The following LRRTM4 variants were observed in gnomAD, a reference collection of about 807,000 sequenced individuals.
LRRTM4 encodes leucine-rich repeat transmembrane neuronal protein 4.
In LRRTM4, 25 loss-of-function variants were observed where a neutral mutation model predicts 47.6. The ratio of observed to expected loss-of-function variants is 0.53; its 90% CI spans 0.38 to 0.73. The LOEUF is 0.73. Ranked by LOEUF, LRRTM4 falls within the 30% of genes least tolerant of loss-of-function variation. The pLI is 0.00. For missense variants in LRRTM4, 638 were observed against 713.4 expected (o/e 0.89, Z 1.20); for synonymous variants, 311 against 269.5 (o/e 1.15, Z -1.51).
At chr2:77,164,087 T>C (rs2103816194) in intron 3 of LRRTM4, among the ~76,000 whole-genome samples, 1 of 152,190 alleles carries the variant, frequency 6.6e-6, no homozygotes, top group Admixed American at 6.5e-5. Flanking sequence ...GAGACACACA[T>C]AGGCTCAAAA....
At chr2:76,915,722 A>G (rs1674219754) in intron 3 of LRRTM4, among the ~76,000 whole-genome samples, 1 of 152,196 alleles carries the variant, frequency 6.6e-6, no homozygotes, top group African/African-American at 2.4e-5. Flanking sequence ...CTTTGAGCAA[A>G]TAAGTAAAAA....
At chr2:77,078,398 A>G (rs1325568451) in intron 3 of LRRTM4, among the ~76,000 whole-genome samples, 1 of 151,288 alleles carries the variant, frequency 6.6e-6, no homozygotes, top group African/African-American at 2.4e-5. Context: ...ACACACACAC[A>G]CACACACACA....
At chr2:76,960,940 G>A (rs990167214) in intron 3 of LRRTM4, among the ~76,000 whole-genome samples, 1 of 151,414 alleles carries the variant, frequency 6.6e-6, no homozygotes, top group Admixed American at 6.6e-5. Context: ...TGCTACCAAT[G>A]TGTGGATATT....
chr2:76,819,640 T>G (rs1214362801), intron 3 of LRRTM4, among the ~76,000 whole-genome samples: 1 of 151,924 alleles, frequency 6.6e-6, no homozygotes, highest in Admixed American at 6.6e-5. Flanking sequence ...CACACAACAG[T>G]AATACTTGCT....
At position 77,130,878 on chromosome 2, in the gene LRRTM4, A is replaced by G. The variant is rs6754735; in HGVS notation, c.1552-381962T>C. Among the ~76,000 whole-genome samples the G allele has an allele frequency of 5.7e-3, 555 of 98,126 alleles. 5 individuals are homozygous for G. Among genetic ancestry groups the G allele is most frequent in the African/African-American group, 0.022 (533 of 24,156 alleles). 64.4% of individuals were successfully genotyped at this position (98,126 alleles called of 152,430 possible). On this transcript the variant is annotated intron_variant, in intron 3 of 3. Coordinates refer to ENST00000409884, the MANE Select transcript of LRRTM4 (RefSeq NM_001134745.3). ...GAGACGGAGTCTCGCTCTGTCGCCC[A>G]GGCTGGAGTGCAGTGGCGGGATCTT...
At chr2:77,101,390 C>G (rs1670949006) in intron 3 of LRRTM4, among the ~76,000 whole-genome samples, 1 of 152,024 alleles carries the variant, frequency 6.6e-6, no homozygotes, top group Non-Finnish European at 1.5e-5. Context: ...TGCGTACATA[C>G]AAAATGAGGG....
intron 3 of LRRTM4, among the ~76,000 whole-genome samples, chr2:77,393,052 C>T (rs1673564449): frequency 6.6e-6 from 1 of 151,810 alleles, no homozygotes; most frequent in Non-Finnish European, 1.5e-5. Flanking sequence ...GTAGACAAAA[C>T]ATTAGAGCAC....
chr2:76,801,022 G>A (rs1675645501), intron 3 of LRRTM4, among the ~76,000 whole-genome samples: 2 of 146,882 alleles, frequency 1.4e-5, no homozygotes, highest in South Asian at 4.5e-4. Context: ...AACAGGTGCT[G>A]GAGCGGATGT....
At chr2:77,049,569 C>T (rs183710854) in intron 3 of LRRTM4, among the ~76,000 whole-genome samples, 3 of 151,818 alleles carry the variant, frequency 2.0e-5, no homozygotes, top group African/African-American at 7.3e-5. Flanking sequence ...TTTGAGATAC[C>T]TGTTGACCGT....
At chr2:76,802,126 A>G (rs960628487) in intron 3 of LRRTM4, among the ~76,000 whole-genome samples, 1 of 152,016 alleles carries the variant, frequency 6.6e-6, no homozygotes. Context: ...AGCCCGAGCA[A>G]TTAGGCAAGG....
intron 3 of LRRTM4, among the ~76,000 whole-genome samples, chr2:76,797,855 A>T (rs372632439): frequency 6.6e-6 from 1 of 151,782 alleles, no homozygotes; most frequent in Non-Finnish European, 1.5e-5. Flanking sequence ...AACAAAGATC[A>T]AAAGAGACAG....
At chr2:77,474,735 T>A (rs1241257112) in intron 3 of LRRTM4, among the ~76,000 whole-genome samples, 2 of 152,154 alleles carry the variant, frequency 1.3e-5, no homozygotes, top group Admixed American at 1.3e-4. Context: ...TCAAAATTAG[T>A]TGTTTGCAGC....
At chr2:77,419,609 T>G (rs1466349896) in intron 3 of LRRTM4, among the ~76,000 whole-genome samples, 7 of 152,144 alleles carry the variant, frequency 4.6e-5, no homozygotes, top group African/African-American at 1.2e-4. Flanking sequence ...TCTGAATATT[T>G]TTGACCCACA....
At chr2:77,040,792 TTTTG>T (rs1573487780) in intron 3 of LRRTM4, among the ~76,000 whole-genome samples, 2 of 151,508 alleles carry the variant, frequency 1.3e-5, no homozygotes, top group East Asian at 3.9e-4. Context: ...TTAAGTTTTA[TTTTG>T]TTTTTCACTG....
At chr2:77,461,432 A>G (rs1676784809) in intron 3 of LRRTM4, among the ~76,000 whole-genome samples, 1 of 152,038 alleles carries the variant, frequency 6.6e-6, no homozygotes, top group African/African-American at 2.4e-5. Flanking sequence ...CTGGATACAC[A>G]CATCTTCCTG....
At chr2:76,932,686 A>G (rs988537173) in intron 3 of LRRTM4, among the ~76,000 whole-genome samples, 2 of 152,058 alleles carry the variant, frequency 1.3e-5, no homozygotes, top group African/African-American at 2.4e-5. Flanking sequence ...TTGTATATAT[A>G]TGACATGTTA....
At chr2:76,785,636 G>T (rs1674632868) in intron 3 of LRRTM4, among the ~76,000 whole-genome samples, 1 of 152,044 alleles carries the variant, frequency 6.6e-6, no homozygotes. Context: ...CATAAGTAGG[G>T]TAAGTAGCTA....
At chr2:77,322,979 G>T (rs1474330049) in intron 3 of LRRTM4, among the ~76,000 whole-genome samples, 1 of 151,716 alleles carries the variant, frequency 6.6e-6, no homozygotes, top group Non-Finnish European at 1.5e-5. Flanking sequence ...TGGTCAAATT[G>T]ATCTGTTATC....
chr2:77,032,741 C>T (rs181575933), intron 3 of LRRTM4, among the ~76,000 whole-genome samples: 10 of 152,064 alleles, frequency 6.6e-5, no homozygotes, highest in South Asian at 2.1e-4. Flanking sequence ...TAAGACTTAC[C>T]GATTTAATTC....
Sources: allele counts gnomAD v4.1 joint callset (sites outside exome capture counted in the v4.1 genomes callset), GRCh38; gene constraint gnomAD v4.1.1; transcripts MANE v1.5; gene names NCBI Gene and HGNC (gene_info 2026-07-23, HGNC 2026-07-21).